SDC3: variants seen among roughly 807,000 people sequenced by gnomAD.
SDC3 encodes syndecan 3, also known as syndecan-3.
A neutral mutation model predicts 24.4 loss-of-function variants in SDC3; 13 were observed. That is an observed-to-expected ratio of 0.53 (90% confidence interval 0.35 to 0.85). The LOEUF (loss-of-function observed/expected upper bound fraction) is 0.85. Ranked by LOEUF, SDC3 falls within the 40% of genes least tolerant of loss-of-function variation. SDC3 has a pLI of 0.01. For missense variants in SDC3, 571 were observed against 584.5 expected (o/e 0.98, Z 0.24); for synonymous variants, 295 against 260.9 (o/e 1.13, Z -1.26).
At chr1:30,879,722 T>C (rs1029486404) in intron 1 of SDC3, among the ~76,000 whole-genome samples, 44 of 152,190 alleles carry the variant, frequency 2.9e-4, no homozygotes, top group African/African-American at 1.0e-3. Flanking sequence ...GGGCAGTGGC[T>C]GGGAGGCCTT....
At chr1:30,877,519 C>A in intron 2 of SDC3, 1 of 522,152 alleles carries the variant, frequency 1.9e-6, no homozygotes, top group Non-Finnish European at 3.4e-6. Flanking sequence ...CAGGGGAACA[C>A]AGGAGTGGCA....
chr1:30,890,865 G>A (rs988228185), intron 1 of SDC3, among the ~76,000 whole-genome samples: 2 of 151,998 alleles, frequency 1.3e-5, no homozygotes, highest in Admixed American at 6.6e-5. Context: ...CACAGCCCCC[G>A]CCCCCAGACA....
chr1:30,877,210 T>A (rs1379593562), intron 2 of SDC3, 45 bp from the exon 3 acceptor site: 1 of 1,611,886 alleles, frequency 6.2e-7, no homozygotes, highest in Non-Finnish European at 8.5e-7. Flanking sequence ...GCTGGGTGGT[T>A]GTGAGGGGCA....
Position 30,876,547 on chromosome 1 carries a change from C to G in SDC3, c.870+5G>C. On this transcript the variant is annotated splice_donor_5th_base_variant and intron_variant, in intron 3 of 4. Transcript: ENST00000339394. ...CTCCTCCCTGTCCCTTCTCAACACC[C>G]TCACCTGAGCCACCTCTGTGGGTCC... 6.6e-7 allele frequency: 1 copy of G among 1,513,534 alleles called. No individual in the cohort carries two copies. The highest frequency in any genetic ancestry group is 1.3e-5 in the South Asian group (1 of 74,572). 93.8% of individuals were successfully genotyped at this position (1,513,534 alleles called of 1,614,324 possible). A position where few individuals can be genotyped will look rare whatever the true frequency, so the allele number is the denominator to read the frequency against.
At chr1:30,894,249 A>G (rs1049251587) in intron 1 of SDC3, among the ~76,000 whole-genome samples, 7 of 101,052 alleles carry the variant, frequency 6.9e-5, no homozygotes, top group African/African-American at 2.4e-4. Flanking sequence ...GTGTGTGTGG[A>G]TGAGTATGTG....
chr1:30,890,360 A>G (rs913702598), intron 1 of SDC3, among the ~76,000 whole-genome samples: 4 of 152,340 alleles, frequency 2.6e-5, no homozygotes, highest in African/African-American at 9.6e-5. Context: ...GAACCTTGAA[A>G]CCATTATGTT....
Position 30,871,961 on chromosome 1 carries a change from T to C in SDC3, c.*1250A>G, listed in dbSNP as rs1490412912. Reference sequence around the variant, plus strand: ...AGGGGTGAAGCCAGGCCCACCTGCATGCAATGCCCTAAAAGGGCTGTGGCC... The same window carrying C: ...AGGGGTGAAGCCAGGCCCACCTGCACGCAATGCCCTAAAAGGGCTGTGGCC... On this transcript the variant is annotated 3_prime_UTR_variant, in exon 5 of 5. Transcript: ENST00000339394. The C allele has an allele frequency of 6.6e-6, 1 of 152,274 alleles. No homozygotes were observed. The highest frequency in any genetic ancestry group is 1.9e-4 in the East Asian group (1 of 5,200). The allele number at this position is 152,274 out of a possible 1,614,324, so 9.4% of individuals were successfully genotyped here. A position where few individuals can be genotyped will look rare whatever the true frequency, so the allele number is the denominator to read the frequency against.
In SDC3 at chr1:30,892,180, A is replaced by C. The variant is rs113307419; in HGVS notation, c.139-13440T>G. ...AAGGACCCTGAGTGCCCTGGCCCCT[A>C]TCCCTGCAGCCCAGGGATAAGGCCT... is the stretch of plus-strand genomic sequence containing the variant. On this transcript the variant is annotated intron_variant, in intron 1 of 4. Coordinates refer to ENST00000339394, the MANE Select transcript of SDC3 (RefSeq NM_014654.4). Among the ~76,000 whole-genome samples, 9 of 151,930 alleles carry C rather than the reference A, an allele frequency of 5.9e-5. 1 individual carries two copies. The highest frequency in any genetic ancestry group is 1.9e-4 in the African/African-American group (8 of 41,418).
At chr1:30,891,087 G>T (rs1397524773) in intron 1 of SDC3, among the ~76,000 whole-genome samples, 1 of 152,178 alleles carries the variant, frequency 6.6e-6, no homozygotes, top group Non-Finnish European at 1.5e-5. Flanking sequence ...CAGTGGTTCC[G>T]GATGCCCCAC....
At position 30,871,008 on chromosome 1, in the gene SDC3, A is replaced by G. The variant is rs1639524586; in HGVS notation, c.*2203T>C. The G allele has an allele frequency of 6.6e-6, 1 of 152,458 alleles. No individual in the cohort carries two copies. The highest frequency in any genetic ancestry group is 2.1e-4 in the South Asian group (1 of 4,832). The allele number at this position is 152,458 out of a possible 1,614,324, so 9.4% of individuals were successfully genotyped here. On this transcript the variant is annotated 3_prime_UTR_variant, in exon 5 of 5. Coordinates refer to ENST00000339394, the MANE Select transcript of SDC3 (RefSeq NM_014654.4). ...CCCCAGGACCCAGCCCTTCTGCTCC[A>G]AAGATGACTGAGGCCAACCCGCCCC...
At chr1:30,909,078 C>T (rs1311684994), upstream of SDC3, among the ~76,000 whole-genome samples, 3 of 152,132 alleles carry the variant, frequency 2.0e-5, no homozygotes, top group Non-Finnish European at 4.4e-5. Context: ...AGGGCCCGGG[C>T]CTGGCTCCCT....
chr1:30,878,934 G>T, intron 1 of SDC3, 194 bp from the exon 2 acceptor site: 1 of 558,774 alleles, frequency 1.8e-6, no homozygotes, highest in Non-Finnish European at 3.2e-6. Context: ...GTCACCTGGG[G>T]TCCCATCCCA....
At chr1:30,886,154 C>A (rs1639824689) in intron 1 of SDC3, among the ~76,000 whole-genome samples, 1 of 151,200 alleles carries the variant, frequency 6.6e-6, no homozygotes, top group Non-Finnish European at 1.5e-5. Flanking sequence ...ATTTACAGTT[C>A]TGGGAACACG....
Position 30,878,624 on chromosome 1 carries a change from G to A in SDC3, c.255C>T (p.Gly85=), listed in dbSNP as rs979175905. 6 of 1,612,920 alleles carry A rather than the reference G, an allele frequency of 3.7e-6. No homozygotes were observed. Among genetic ancestry groups the A allele is most frequent in the Non-Finnish European group, 3.4e-6 (4 of 1,178,950 alleles). ...LDDLYSGSGS[G]YFEQESGIET... ...AGAGGTAGGGAGGGGGGTACTTACAGCCCGAGCCCGACCCCGAGTAGAGGT... is the reference window on the plus strand; with the variant it reads ...AGAGGTAGGGAGGGGGGTACTTACAACCCGAGCCCGACCCCGAGTAGAGGT... The change falls in exon 2 of 5, where the codon GGC becomes GGT. Residue 85 remains glycine, a splice_region_variant and synonymous_variant. Transcript: ENST00000339394.
intron 4 of SDC3, 112 bp downstream of exon 4, chr1:30,874,185 G>A (rs2124306354): frequency 9.1e-6 from 8 of 881,088 alleles, no homozygotes; most frequent in Non-Finnish European, 1.4e-5. Flanking sequence ...TGGCTCCTAG[G>A]AAACCACGCC....
intron 1 of SDC3, among the ~76,000 whole-genome samples, chr1:30,883,170 G>A (rs1639771518): frequency 6.6e-6 from 1 of 152,204 alleles, no homozygotes; most frequent in Admixed American, 6.5e-5. Context: ...ACACAGCAGG[G>A]GAGAGTGCAG....
chr1:30,900,689 C>A (rs1638398212), intron 1 of SDC3, among the ~76,000 whole-genome samples: 2 of 152,192 alleles, frequency 1.3e-5, no homozygotes, highest in South Asian at 4.1e-4. Context: ...ATGAGCCGCC[C>A]ACAGCCCCCT....
intron 1 of SDC3, among the ~76,000 whole-genome samples, chr1:30,890,892 G>A (rs985922879): frequency 7.2e-5 from 11 of 152,152 alleles, no homozygotes; most frequent in Non-Finnish European, 1.5e-4. Context: ...CGTTTAGTCC[G>A]CAGACCACAA....
chr1:30,877,248 C>A, intron 2 of SDC3, 83 bp from the exon 3 acceptor site: 1 of 1,558,448 alleles, frequency 6.4e-7, no homozygotes, highest in African/African-American at 1.4e-5. Context: ...CAATGGCCAT[C>A]AAGATTAGGT....
Sources: allele counts gnomAD v4.1 joint callset (sites outside exome capture counted in the v4.1 genomes callset), GRCh38; gene constraint gnomAD v4.1.1; transcripts MANE v1.5; gene names NCBI Gene and HGNC (gene_info 2026-07-23, HGNC 2026-07-21).